GALNT2: variants seen among roughly 807,000 people sequenced by gnomAD.
GALNT2 encodes polypeptide N-acetylgalactosaminyltransferase 2, also known as UDP-GalNAc:polypeptide N-acetylgalactosaminyltransferase 2.
GALNT2 carries 31 observed loss-of-function variants against 81.4 expected under a neutral mutation model. The ratio of observed to expected loss-of-function variants is 0.38; its 90% CI spans 0.29 to 0.51. The LOEUF (loss-of-function observed/expected upper bound fraction) is 0.51. Among genes scored for constraint, GALNT2 ranks in the 20% least tolerant of loss-of-function variants. GALNT2 has a pLI of 0.87. For missense variants in GALNT2, 629 were observed against 765.7 expected, an observed-to-expected ratio of 0.82 and a Z score of 2.11; for synonymous variants, 303 against 287.4, an observed-to-expected ratio of 1.05 and a Z score of -0.55.
rs555378631 is a variant in GALNT2 at position 230,175,095 on chromosome 1, AG to A, written c.127-3119del. ...TTAATACCAGGCCAAGGCCTTCGGTAGGGGTGGAGAGAAGAGAGTGGGACAA... is the reference window on the plus strand; with the variant it reads ...TTAATACCAGGCCAAGGCCTTCGGTAGGGTGGAGAGAAGAGAGTGGGACAA... On this transcript the variant is annotated intron_variant, in intron 1 of 15. Transcript: ENST00000366672. Among the ~76,000 whole-genome samples the A allele has an allele frequency of 1.9e-3, 296 of 152,322 alleles. 2 individuals carry two copies. Among genetic ancestry groups the A allele is most frequent in the African/African-American group, 6.7e-3 (279 of 41,576 alleles).
chr1:230,245,155 A>AT (rs112585695), intron 7 of GALNT2, among the ~76,000 whole-genome samples: 14,493 of 146,828 alleles, frequency 0.099, 1,483 homozygotes, highest in African/African-American at 0.25. Flanking sequence ...ATCTAGGGGG[A>AT]TTTTTTTTTT....
intron 1 of GALNT2, among the ~76,000 whole-genome samples, chr1:230,084,901 G>C (rs1261638852): frequency 1.3e-5 from 2 of 152,170 alleles, no homozygotes. Context: ...GATTAGGGGA[G>C]ACAAGAATGT....
At position 230,174,961 on chromosome 1, in the gene GALNT2, G is replaced by A. The variant is rs975710846; in HGVS notation, c.127-3257G>A. ...AGCCTTCCTGGGGGCCCTGTTCTAC[G>A]CGGGGCCTGTGCCTCTGGGCCGTTG... On this transcript the variant is annotated intron_variant, in intron 1 of 15. Coordinates refer to ENST00000366672, the MANE Select transcript of GALNT2 (RefSeq NM_004481.5). Among the ~76,000 whole-genome samples the A allele has an allele frequency of 3.3e-5, 5 of 152,276 alleles. No individual in the cohort carries two copies. The East Asian group carries it at 5.8e-4, about 18-fold the overall frequency.
chr1:230,099,325 C>T (rs890628118), intron 1 of GALNT2, among the ~76,000 whole-genome samples: 8 of 152,082 alleles, frequency 5.3e-5, no homozygotes, highest in Non-Finnish European at 7.4e-5. Flanking sequence ...TTCCGAGTCC[C>T]GGGATGGGGG....
In GALNT2 at chr1:230,193,868, C is replaced by T. The variant is rs1445496483; in HGVS notation, c.221-9269C>T. On this transcript the variant is annotated intron_variant, in intron 2 of 15. Coordinates refer to ENST00000366672, the MANE Select transcript of GALNT2 (RefSeq NM_004481.5). The surrounding 1 kb of genome is among the most constrained non-coding windows in gnomAD (Gnocchi z 4.3). ...TGCAGCCAGGTCCTAGAGTGTCAGC[C>T]ACAGAGCTGATGCTGGCGGGGCCCC... Among the ~76,000 whole-genome samples the T allele has an allele frequency of 6.6e-6, 1 of 152,190 alleles. No individual in the cohort carries two copies. Among genetic ancestry groups the T allele is most frequent in the African/African-American group, 2.4e-5 (1 of 41,448 alleles).
At position 230,171,536 on chromosome 1, in the gene GALNT2, A is replaced by C. The variant is rs72651069; in HGVS notation, c.127-6682A>C. 6.3e-3 allele frequency among the ~76,000 whole-genome samples: 955 copies of C among 152,320 alleles called. 8 individuals are homozygous for C. The highest frequency in any genetic ancestry group is 9.6e-3 in the Non-Finnish European group (656 of 68,030). On this transcript the variant is annotated intron_variant, in intron 1 of 15. Transcript: ENST00000366672. Reference sequence around the variant, plus strand: ...TCGGTAATTTAATCTGCCTCTGACCATATGTTCTAGTCAGCTGAAATAATT... The same window carrying C: ...TCGGTAATTTAATCTGCCTCTGACCCTATGTTCTAGTCAGCTGAAATAATT...
At chr1:230,061,365 C>T (rs1571915624) in intron 1 of GALNT2, among the ~76,000 whole-genome samples, 1 of 152,150 alleles carries the variant, frequency 6.6e-6, no homozygotes, top group African/African-American at 2.4e-5. Context: ...AATGTATTTC[C>T]TGATTTGCTC....
At chr1:230,261,687 A>C (rs899672482) in intron 11 of GALNT2, among the ~76,000 whole-genome samples, 1 of 152,174 alleles carries the variant, frequency 6.6e-6, no homozygotes, top group Non-Finnish European at 1.5e-5. Context: ...GGTTCTCTCT[A>C]TGAGATTTAA....
At chr1:230,165,539 TGTTGGATGCCAAGCCAA>T (rs1662575846) in intron 1 of GALNT2, among the ~76,000 whole-genome samples, 1 of 152,260 alleles carries the variant, frequency 6.6e-6, no homozygotes, top group South Asian at 2.1e-4. Flanking sequence ...TAGTTCTTGA[TGTTGGATGCCAAGCCAA>T]GTTGCTTTCC....
At chr1:230,234,314 G>C (rs1468014660) in intron 3 of GALNT2, among the ~76,000 whole-genome samples, 1 of 152,086 alleles carries the variant, frequency 6.6e-6, no homozygotes, top group Non-Finnish European at 1.5e-5. Context: ...GAGAGACCTT[G>C]GTTCTGAGGC....
chr1:230,261,325 T>A (rs1221613807), intron 11 of GALNT2, among the ~76,000 whole-genome samples: 6 of 152,174 alleles, frequency 3.9e-5, no homozygotes, highest in South Asian at 2.1e-4. Context: ...ATAGGCCCCA[T>A]ACAGAAATTA....
At position 230,263,217 on chromosome 1, in the gene GALNT2, C is replaced by T. The variant is rs545497852; in HGVS notation, c.1313+212C>T. 2.0e-5 allele frequency: 11 copies of T among 561,608 alleles called. No homozygotes were observed. The East Asian group carries it at 3.0e-4, about 15-fold the overall frequency. 34.8% of individuals were successfully genotyped at this position (561,608 alleles called of 1,614,324 possible). On this transcript the variant is annotated intron_variant, in intron 13 of 15. Transcript: ENST00000366672. ...TGTCTCTGTCCTGCAGAGCTGCCCT[C>T]CCATGCTTCGGAGTCCCAGAGGCAG...
chr1:230,160,706 T>TC (rs1662404947), intron 1 of GALNT2, among the ~76,000 whole-genome samples: 1 of 148,042 alleles, frequency 6.8e-6, no homozygotes, highest in Non-Finnish European at 1.5e-5. Flanking sequence ...TGAGTGAGAC[T>TC]CCATCTAAAA....
intron 2 of GALNT2, among the ~76,000 whole-genome samples, chr1:230,196,540 C>T (rs1036233854): frequency 7.2e-5 from 11 of 152,196 alleles, no homozygotes; most frequent in African/African-American, 2.2e-4. Context: ...TTCCTCAGGA[C>T]GGCAAGTGCG....
intron 1 of GALNT2, among the ~76,000 whole-genome samples, chr1:230,119,376 T>C (rs974745594): frequency 3.9e-5 from 6 of 152,190 alleles, no homozygotes; most frequent in African/African-American, 1.4e-4. Context: ...TTCCTGCAAA[T>C]GTGAAGTCGG....
intron 1 of GALNT2, among the ~76,000 whole-genome samples, chr1:230,067,653 C>T (rs1193282948): frequency 6.6e-6 from 1 of 152,084 alleles, no homozygotes. Context: ...GACGTCGCCC[C>T]TCTCTCTGCT....
intron 1 of GALNT2, among the ~76,000 whole-genome samples, chr1:230,144,267 A>G (rs1440642414): frequency 1.3e-5 from 2 of 152,192 alleles, no homozygotes; most frequent in African/African-American, 4.8e-5. Context: ...AGTGCTTTTG[A>G]GAATGAAAGG....
chr1:230,280,878 CAT>C lies in GALNT2; in HGVS notation c.*1422_*1423del, dbSNP rs1470333776. 1 of 152,234 alleles carries C rather than the reference CAT, an allele frequency of 6.6e-6. No homozygotes were observed. The highest frequency in any genetic ancestry group is 2.4e-5 in the African/African-American group (1 of 41,442). 9.4% of individuals were successfully genotyped at this position (152,234 alleles called of 1,614,324 possible). On this transcript the variant is annotated 3_prime_UTR_variant, in exon 16 of 16. Coordinates refer to ENST00000366672, the MANE Select transcript of GALNT2 (RefSeq NM_004481.5). ...CCACAGACAGTTATGAACTGAAAGTCATAACGGGGAGAGGTGCCTGGCTTCTA... is the reference window on the plus strand; with the variant it reads ...CCACAGACAGTTATGAACTGAAAGTCAACGGGGAGAGGTGCCTGGCTTCTA...
intron 3 of GALNT2, among the ~76,000 whole-genome samples, chr1:230,226,940 A>G (rs928988195): frequency 2.0e-5 from 3 of 152,246 alleles, no homozygotes; most frequent in African/African-American, 7.2e-5. Flanking sequence ...GAAATTAATG[A>G]ACTAAAAATC....
Sources: gnomAD v4.1 joint callset for allele counts (sites outside exome capture counted in the v4.1 genomes callset) on GRCh38, gnomAD v4.1.1 for gene constraint, Gnocchi (gnomAD v3.1) non-coding constraint, MANE v1.5 for transcripts, NCBI Gene and HGNC (gene_info 2026-07-23, HGNC 2026-07-21) for gene names.